Variants in LMO3 observed in about 807,000 individuals in gnomAD.
The protein encoded by LMO3 is LIM domain only protein 3.
LMO3 carries 2 observed loss-of-function variants against 15.8 expected under a neutral mutation model. The ratio of observed to expected loss-of-function variants is 0.13; its 90% CI spans 0.05 to 0.40. LMO3 has a LOEUF of 0.40. LMO3 is among the 10% of genes least tolerant of loss of function. The pLI, the probability that LMO3 is intolerant of heterozygous loss-of-function variation, is 0.99. For synonymous variants in LMO3, 62 were observed against 63.8 expected (o/e 0.97, Z 0.13); for missense variants, 86 against 182.2 (o/e 0.47, Z 3.04).
chr12:16,594,041 A>G, intron 2 of LMO3: 1 of 1,153,278 alleles, frequency 8.7e-7, no homozygotes, highest in Non-Finnish European at 1.2e-6. Context: ...TGTTAGACTG[A>G]TTAATATCCT....
chr12:16,593,426 T>A lies in LMO3; in HGVS notation c.206+7229A>T, dbSNP rs1311738956. On this transcript the variant is annotated intron_variant, in intron 2 of 3. Coordinates refer to ENST00000537304, the MANE Select transcript of LMO3 (RefSeq NM_018640.5). This position sits in a 1 kb window ranked among gnomAD's most constrained non-coding sequence, Gnocchi z 4.2. ...GACTATTCCAAGATGATTATTCATC[T>A]CAAGTGTGATTTCATTTTAAACTTG... Among the ~76,000 whole-genome samples, 1 of 151,822 alleles carries A rather than the reference T, an allele frequency of 6.6e-6. No homozygotes were observed. The highest frequency in any genetic ancestry group is 1.5e-5 in the Non-Finnish European group (1 of 67,786).
intron 2 of LMO3, among the ~76,000 whole-genome samples, chr12:16,588,488 A>G (rs990467419): frequency 6.6e-6 from 1 of 152,102 alleles, no homozygotes; most frequent in African/African-American, 2.4e-5. Flanking sequence ...AAGGCCATAG[A>G]ACTTTTATAA....
chr12:16,572,339 CTTT>C lies in LMO3; in HGVS notation c.207-11804_207-11802del, dbSNP rs59773866. 1.6e-3 allele frequency among the ~76,000 whole-genome samples: 147 copies of C among 89,522 alleles called. 1 individual carries two copies. The highest frequency in any genetic ancestry group is 0.02 in the Middle Eastern group (2 of 100). The allele number at this position is 89,522 out of a possible 152,430, so 58.7% of individuals were successfully genotyped here. On this transcript the variant is annotated intron_variant, in intron 2 of 3. Coordinates refer to ENST00000537304, the MANE Select transcript of LMO3 (RefSeq NM_018640.5). ...TGTTTTCTGCATAGTGGTCCAAACT[CTTT>C]TTTTTTTTTTTTTTTTTTTGTAAAG...
intron 3 of LMO3, among the ~76,000 whole-genome samples, chr12:16,552,505 A>G (rs985836810): frequency 1.3e-5 from 2 of 152,106 alleles, no homozygotes; most frequent in African/African-American, 4.8e-5. Flanking sequence ...GGAATGCTAG[A>G]CAAACAGTGA....
rs1942321874 is a variant in LMO3, at chr12:16,559,777, T to C, written c.332+636A>G. On this transcript the variant is annotated intron_variant, in intron 3 of 3. Transcript: ENST00000537304. This position sits in a 1 kb window ranked among gnomAD's most constrained non-coding sequence, Gnocchi z 4.1. ...ACCAGCCTGGGTAACATAGTGAAAC[T>C]CCATCATCTCTATAAAAAATGAAAA... Among the ~76,000 whole-genome samples, 1 of 147,138 alleles carries C rather than the reference T, an allele frequency of 6.8e-6. No individual in the cohort carries two copies. Among genetic ancestry groups the C allele is most frequent in the African/African-American group, 2.5e-5 (1 of 39,668 alleles).
chr12:16,549,447 G>C lies in LMO3; in HGVS notation c.*1775C>G, dbSNP rs1653323651. The C allele has an allele frequency of 1.3e-5, 2 of 152,426 alleles. No homozygotes were observed. The highest frequency in any genetic ancestry group is 2.9e-5 in the Non-Finnish European group (2 of 67,956). The allele number at this position is 152,426 out of a possible 1,614,324, so 9.4% of individuals were successfully genotyped here. ...TAAGAGGCAATATCCAGATTCACATGCATGTTCATAATAAAGCTTTGTTTT... is the reference window on the plus strand; with the variant it reads ...TAAGAGGCAATATCCAGATTCACATCCATGTTCATAATAAAGCTTTGTTTT... On this transcript the variant is annotated 3_prime_UTR_variant, in exon 4 of 4. Transcript: ENST00000537304.
In LMO3 at chr12:16,605,577, G is replaced by T. The variant is rs943337042; in HGVS notation, c.-9+489C>A. Reference sequence around the variant, plus strand: ...TGTAATATCAACTCTTTAAGAAGTGGGGGTTCATGAATTCCAGCAAGTAAG... The same window carrying T: ...TGTAATATCAACTCTTTAAGAAGTGTGGGTTCATGAATTCCAGCAAGTAAG... On this transcript the variant is annotated intron_variant, in intron 1 of 3. Coordinates refer to ENST00000537304, the MANE Select transcript of LMO3 (RefSeq NM_018640.5). The T allele has an allele frequency of 6.2e-5, 41 of 657,076 alleles. 1 individual carries two copies. In the Middle Eastern group the frequency reaches 1.7e-3, roughly 27 times the overall value. 40.7% of individuals were successfully genotyped at this position (657,076 alleles called of 1,614,324 possible). A position where few individuals can be genotyped will look rare whatever the true frequency, so the allele number is the denominator to read the frequency against.
chr12:16,605,060 G>C lies in LMO3; in HGVS notation c.-9+1006C>G, dbSNP rs761447130. ...CACTTTGGGAGCGGGTCGGAGTGGC[G>C]GCAGGGGGTGGGGGAAGGGATGAGG... On this transcript the variant is annotated intron_variant, in intron 1 of 3. Coordinates refer to ENST00000537304, the MANE Select transcript of LMO3 (RefSeq NM_018640.5). 8 of 1,489,070 alleles carry C rather than the reference G, an allele frequency of 5.4e-6. 1 individual carries two copies. In the South Asian group the frequency reaches 8.1e-5, roughly 15 times the overall value. The allele number at this position is 1,489,070 out of a possible 1,614,324, so 92.2% of individuals were successfully genotyped here.
rs893616232 is a variant in LMO3, at chr12:16,593,053, T to G, written c.206+7602A>C. On this transcript the variant is annotated intron_variant, in intron 2 of 3. Transcript: ENST00000537304. The surrounding 1 kb of genome is among the most constrained non-coding windows in gnomAD (Gnocchi z 4.2). ...TTATTTTTTCTCTGTGGTATCTGGA[T>G]TACTGTTAAACATTAGGATTAGCAC... Among the ~76,000 whole-genome samples the G allele has an allele frequency of 1.1e-4, 16 of 151,892 alleles. No homozygotes were observed. The highest frequency in any genetic ancestry group is 3.9e-4 in the African/African-American group (16 of 41,414).
rs141252596 is a variant in LMO3 at position 16,599,639 on chromosome 12, G to C, written c.206+1016C>G. The C allele has an allele frequency of 4.6e-5, 7 of 152,264 alleles. No individual in the cohort carries two copies. The highest frequency in any genetic ancestry group is 3.3e-4 in the Admixed American group (5 of 15,298). The allele number at this position is 152,264 out of a possible 1,614,324, so 9.4% of individuals were successfully genotyped here. A position where few individuals can be genotyped will look rare whatever the true frequency, so the allele number is the denominator to read the frequency against. ...TTGTATTAAATATGAAAATCCCAAT[G>C]ATGCCATATATCATTTCTCTAATTT... is the stretch of plus-strand genomic sequence containing the variant. On this transcript the variant is annotated intron_variant, in intron 2 of 3. Coordinates refer to ENST00000537304, the MANE Select transcript of LMO3 (RefSeq NM_018640.5). This position sits in a 1 kb window ranked among gnomAD's most constrained non-coding sequence, Gnocchi z 4.1.
chr12:16,567,728 G>A (rs1942666433), intron 2 of LMO3: 1 of 152,178 alleles, frequency 6.6e-6, no homozygotes, highest in South Asian at 2.1e-4. Flanking sequence ...ATGACAGCTT[G>A]GATGATAGAA....
chr12:16,578,588 C>T (rs544138771), intron 2 of LMO3, among the ~76,000 whole-genome samples: 3 of 152,012 alleles, frequency 2.0e-5, no homozygotes, highest in African/African-American at 4.8e-5. Context: ...GAGGCTGAGG[C>T]GGGTGGATCA....
At chr12:16,551,351 A>C in intron 3 of LMO3, 24 bp from the exon 4 acceptor site, 3 of 1,387,116 alleles carry the variant, frequency 2.2e-6, no homozygotes, top group East Asian at 2.3e-5. Context: ...AAACAATAAA[A>C]TGTGGTTAAG....
chr12:16,551,415 C>T (rs993453841), intron 3 of LMO3, 88 bp from the exon 4 acceptor site: 17 of 781,346 alleles, frequency 2.2e-5, no homozygotes, highest in Admixed American at 4.2e-5. Flanking sequence ...TTAATAGTTT[C>T]GCATGGTAAT....
chr12:16,601,497 C>T (rs965043123), intron 1 of LMO3, among the ~76,000 whole-genome samples: 1 of 152,138 alleles, frequency 6.6e-6, no homozygotes, highest in Admixed American at 6.6e-5. Context: ...TCATTGTGTT[C>T]AAATATAACA....
At chr12:16,558,514 A>G (rs992137057) in intron 3 of LMO3, among the ~76,000 whole-genome samples, 1 of 152,232 alleles carries the variant, frequency 6.6e-6, no homozygotes, top group Admixed American at 6.5e-5. Flanking sequence ...AGGTGTCTGT[A>G]TGGATGTGGG....
intron 2 of LMO3, among the ~76,000 whole-genome samples, chr12:16,579,015 T>A (rs761765375): frequency 1.3e-5 from 2 of 152,292 alleles, no homozygotes; most frequent in African/African-American, 4.8e-5. Flanking sequence ...TTGTACACAC[T>A]CTTGACAGAC....
chr12:16,600,406 C>T (rs755006223), intron 2 of LMO3: 7 of 418,178 alleles, frequency 1.7e-5, no homozygotes, highest in Non-Finnish European at 1.3e-5. Context: ...ACATAGGCAG[C>T]GCCATAACCA....
At chr12:16,601,749 A>G (rs1943831599) in intron 1 of LMO3, 1 of 152,174 alleles carries the variant, frequency 6.6e-6, no homozygotes, top group African/African-American at 2.4e-5. Context: ...AAACATAGAA[A>G]CATTTATATA....
Sources: gnomAD v4.1 joint callset for allele counts (sites outside exome capture counted in the v4.1 genomes callset) on GRCh38, gnomAD v4.1.1 for gene constraint, Gnocchi (gnomAD v3.1) non-coding constraint, MANE v1.5 for transcripts, NCBI Gene and HGNC (gene_info 2026-07-23, HGNC 2026-07-21) for gene names.